SHISA9: variants seen among roughly 807,000 people sequenced by gnomAD.
The protein encoded by SHISA9 is protein shisa-9.
A neutral mutation model predicts 38.0 loss-of-function variants in SHISA9; 13 were observed. The ratio of observed to expected loss-of-function variants is 0.34; its 90% CI spans 0.22 to 0.54. The LOEUF (loss-of-function observed/expected upper bound fraction) is 0.54, where lower values mean the gene tolerates loss of function less well. Among genes scored for constraint, SHISA9 ranks in the 20% least tolerant of loss-of-function variants. The pLI, the probability that SHISA9 is intolerant of heterozygous loss-of-function variation, is 0.91. For missense variants in SHISA9, 538 were observed against 575.8 expected (o/e 0.93, Z 0.67); for synonymous variants, 275 against 242.0 (o/e 1.14, Z -1.27).
intron 2 of SHISA9, among the ~76,000 whole-genome samples, chr16:13,025,463 C>A (rs529106498): frequency 6.6e-6 from 1 of 152,308 alleles, no homozygotes; most frequent in South Asian, 2.1e-4. Context: ...ACTCCTGGAT[C>A]CTGGAACCCC....
chr16:13,406,566 G>A, the SHISA9 span, among the ~76,000 whole-genome samples: 1 of 152,152 alleles, frequency 6.6e-6, no homozygotes, highest in African/African-American at 2.4e-5. Context: ...TTCTTCAAGA[G>A]CACTTGACTA....
chr16:13,537,050 A>C, the SHISA9 span, among the ~76,000 whole-genome samples: 2 of 152,178 alleles, frequency 1.3e-5, no homozygotes, highest in Admixed American at 6.5e-5. Flanking sequence ...CCACTTCTGG[A>C]ATCCCATAAT....
the SHISA9 span, among the ~76,000 whole-genome samples, chr16:13,520,415 T>G: frequency 6.6e-6 from 1 of 151,424 alleles, no homozygotes; most frequent in Admixed American, 6.6e-5. Context: ...CTTGCCAACA[T>G]GGTGAAACCC....
chr16:13,050,667 C>G (rs1195826288), intron 2 of SHISA9, among the ~76,000 whole-genome samples: 3 of 152,158 alleles, frequency 2.0e-5, no homozygotes, highest in African/African-American at 7.2e-5. Context: ...TATATTACAA[C>G]TGTAATAAAA....
chr16:13,186,288 C>CTTTTTTTTT (rs113608898), intron 2 of SHISA9, among the ~76,000 whole-genome samples: 3 of 104,268 alleles, frequency 2.9e-5, no homozygotes, highest in African/African-American at 7.8e-5. Flanking sequence ...CCATCTTAAC[C>CTTTTTTTTT]TTTTTTTTTT....
In SHISA9 at chr16:13,235,105, T is replaced by C. The variant is rs1391546224; in HGVS notation, c.971T>C (p.Leu324Pro). Residue 324 changes from leucine (L) to proline (P), a missense_variant, in exon 5 of 5, where the codon CTG becomes CCG. Leu to Pro is a moderately conservative substitution (Grantham distance 98, BLOSUM62 -3). Around this residue, in one of 4 missense-constraint regions of SHISA9, gnomAD observed 326 missense variants for 305.9 expected, o/e 1.07. Coordinates refer to ENST00000558583, the MANE Select transcript of SHISA9 (RefSeq NM_001145204.3). Reference sequence around the variant, plus strand: ...CTGGCTGCCAAGGGGAACTTACCTCTGCACCCCGTAAGAGTGGAGGACGAG... The same window carrying C: ...CTGGCTGCCAAGGGGAACTTACCTCCGCACCCCGTAAGAGTGGAGGACGAG... ...AELAAKGNLP[L>P]HPVRVEDEPR... 1 of 1,551,464 alleles carries C rather than the reference T, an allele frequency of 6.4e-7. No homozygotes were observed. The highest frequency in any genetic ancestry group is 8.7e-7 in the Non-Finnish European group (1 of 1,146,964).
the SHISA9 span, among the ~76,000 whole-genome samples, chr16:13,275,688 C>A: frequency 5.9e-5 from 9 of 151,948 alleles, no homozygotes; most frequent in Admixed American, 2.6e-4. Flanking sequence ...TTTTATAGAA[C>A]TCACCAATAA....
chr16:13,463,826 A>G, the SHISA9 span, among the ~76,000 whole-genome samples: 3 of 152,226 alleles, frequency 2.0e-5, no homozygotes, highest in Non-Finnish European at 4.4e-5. Context: ...AGTCTACAAA[A>G]TTGCCAAGTG....
At chr16:13,365,785 A>C in the SHISA9 span, among the ~76,000 whole-genome samples, 8 of 152,074 alleles carry the variant, frequency 5.3e-5, no homozygotes, top group Non-Finnish European at 1.2e-4. Flanking sequence ...TAATCTTCAC[A>C]TCTTATGGAT....
chr16:12,970,352 T>TACAC (rs1201806241), intron 2 of SHISA9, among the ~76,000 whole-genome samples: 3 of 43,208 alleles, frequency 6.9e-5, no homozygotes, highest in Admixed American at 6.2e-4. Context: ...TACATATATG[T>TACAC]GTATATATAT....
At chr16:13,152,192 C>T (rs2050505534) in intron 2 of SHISA9, among the ~76,000 whole-genome samples, 1 of 152,198 alleles carries the variant, frequency 6.6e-6, no homozygotes, top group South Asian at 2.1e-4. Flanking sequence ...AAGTCTACCA[C>T]TCCCTAGAAA....
chr16:13,503,153 A>C, the SHISA9 span, among the ~76,000 whole-genome samples: 21 of 152,316 alleles, frequency 1.4e-4, no homozygotes, highest in East Asian at 4.1e-3. Flanking sequence ...ATGATAAAGC[A>C]AAAGTCTTGA....
At chr16:13,047,175 G>T (rs1386194359) in intron 2 of SHISA9, among the ~76,000 whole-genome samples, 1 of 152,028 alleles carries the variant, frequency 6.6e-6, no homozygotes, top group East Asian at 1.9e-4. Flanking sequence ...AATACCTCCA[G>T]GATCAGTGTT....
chr16:13,234,636 A>T lies in SHISA9; in HGVS notation c.896-394A>T, dbSNP rs779554354. On this transcript the variant is annotated intron_variant, in intron 4 of 4. Coordinates refer to ENST00000558583, the MANE Select transcript of SHISA9 (RefSeq NM_001145204.3). ...GGCTGTCTTGATTGGTAGGTCATAG[A>T]TAGGAAGATCACTTAACATGTTCAC... Among the ~76,000 whole-genome samples, 4 of 152,362 alleles carry T rather than the reference A, an allele frequency of 2.6e-5. No homozygotes were observed. In the South Asian group the frequency reaches 8.3e-4, roughly 32 times the overall value.
chr16:13,411,739 C>T, the SHISA9 span, among the ~76,000 whole-genome samples: 1 of 152,224 alleles, frequency 6.6e-6, no homozygotes, highest in Non-Finnish European at 1.5e-5. Flanking sequence ...TTACACAAGA[C>T]ACTTCTGCTC....
chr16:13,068,708 G>A (rs531674138), intron 2 of SHISA9, among the ~76,000 whole-genome samples: 1 of 152,316 alleles, frequency 6.6e-6, no homozygotes, highest in Admixed American at 6.5e-5. Flanking sequence ...ATGGTAAAAG[G>A]GTCTGAGATG....
chr16:13,404,020 G>T, the SHISA9 span, among the ~76,000 whole-genome samples: 2 of 152,152 alleles, frequency 1.3e-5, no homozygotes, highest in African/African-American at 4.8e-5. Flanking sequence ...TAACCAAAAG[G>T]CACGTCTTGT....
At chr16:13,267,941 T>C in the SHISA9 span, among the ~76,000 whole-genome samples, 3 of 150,574 alleles carry the variant, frequency 2.0e-5, no homozygotes, top group Non-Finnish European at 2.9e-5. Flanking sequence ...CTGTGACGAA[T>C]AGGATACTTA....
At chr16:13,462,678 T>C in the SHISA9 span, among the ~76,000 whole-genome samples, 1 of 151,658 alleles carries the variant, frequency 6.6e-6, no homozygotes, top group Admixed American at 6.6e-5. Flanking sequence ...TATAAAAAAG[T>C]TGGGCAGGCA....
Sources: gnomAD v4.1 joint callset for allele counts (sites outside exome capture counted in the v4.1 genomes callset) on GRCh38, gnomAD v4.1.1 for gene constraint, gnomAD v4.1.1 regional missense constraint, MANE v1.5 for transcripts, NCBI Gene and HGNC (gene_info 2026-07-23, HGNC 2026-07-21) for gene names.